DTWD2: variants seen among roughly 807,000 people sequenced by gnomAD.
The protein encoded by DTWD2 is DTW motif tRNA-uridine aminocarboxypropyltransferase 2.
In DTWD2, 39 loss-of-function variants were observed where a neutral mutation model predicts 31.8. The observed-to-expected ratio is 1.22, with a 90% confidence interval of 0.95 to 1.60. DTWD2 has a LOEUF of 1.60. Among genes scored for constraint, DTWD2 ranks in the 40% most tolerant of loss-of-function variants. The pLI is 0.00. For synonymous variants in DTWD2, 180 were observed against 142.8 expected, an observed-to-expected ratio of 1.26 and a Z score of -1.86; for missense variants, 515 against 381.5, an observed-to-expected ratio of 1.35 and a Z score of -2.92.
At chr5:118,905,870 C>T (rs1246993301) in intron 4 of DTWD2, among the ~76,000 whole-genome samples, 1 of 152,092 alleles carries the variant, frequency 6.6e-6, no homozygotes, top group Non-Finnish European at 1.5e-5. Context: ...AATTGATTAA[C>T]TGAATTTCAT....
chr5:118,897,845 G>A (rs776669715), intron 4 of DTWD2, among the ~76,000 whole-genome samples: 1 of 152,136 alleles, frequency 6.6e-6, no homozygotes, highest in Non-Finnish European at 1.5e-5. Flanking sequence ...ATGACCTCCA[G>A]AGTAAAATTA....
intron 4 of DTWD2, among the ~76,000 whole-genome samples, chr5:118,892,441 A>G (rs1752995055): frequency 6.6e-6 from 1 of 152,184 alleles, no homozygotes; most frequent in South Asian, 2.1e-4. Flanking sequence ...TAAACTCACT[A>G]AAACCATAAT....
chr5:118,915,888 A>G (rs1463178018), intron 4 of DTWD2, among the ~76,000 whole-genome samples: 1 of 152,230 alleles, frequency 6.6e-6, no homozygotes, highest in Non-Finnish European at 1.5e-5. Context: ...GGATAATTCT[A>G]AAAGTAAGAG....
chr5:118,869,256 A>G (rs1037982703), intron 4 of DTWD2, among the ~76,000 whole-genome samples: 8 of 152,150 alleles, frequency 5.3e-5, no homozygotes, highest in Admixed American at 1.3e-4. Flanking sequence ...ATTAAAAGAG[A>G]TATCAGTTGA....
rs183414210 is a variant in DTWD2 at position 118,966,892 on chromosome 5, C to T, written c.218+21402G>A. 8.2e-4 allele frequency among the ~76,000 whole-genome samples: 125 copies of T among 151,890 alleles called. 2 individuals are homozygous for T. Among genetic ancestry groups the T allele is most frequent in the African/African-American group, 2.8e-3 (117 of 41,440 alleles). Reference sequence around the variant, plus strand: ...TAAAAATACAAAAATTAGCCAGGCACGGTGGCAGGTGCCTGTAAGTCCCAG... The same window carrying T: ...TAAAAATACAAAAATTAGCCAGGCATGGTGGCAGGTGCCTGTAAGTCCCAG... On this transcript the variant is annotated intron_variant, in intron 1 of 5. Transcript: ENST00000510708.
chr5:118,867,454 C>G (rs1019005599), intron 4 of DTWD2, among the ~76,000 whole-genome samples: 9 of 152,098 alleles, frequency 5.9e-5, no homozygotes, highest in African/African-American at 1.9e-4. Context: ...TTTAGCAAGA[C>G]AATTTTTCAA....
intron 4 of DTWD2, among the ~76,000 whole-genome samples, chr5:118,848,590 A>G (rs911976332): frequency 6.6e-6 from 1 of 152,174 alleles, no homozygotes; most frequent in African/African-American, 2.4e-5. Context: ...TCAACAGAGT[A>G]GCTAAAATAA....
intron 5 of DTWD2, among the ~76,000 whole-genome samples, chr5:118,846,089 C>T (rs1751846289): frequency 6.6e-6 from 1 of 152,124 alleles, no homozygotes; most frequent in African/African-American, 2.4e-5. Flanking sequence ...AAAGAATTCA[C>T]TCTAATACTT....
intron 4 of DTWD2, among the ~76,000 whole-genome samples, chr5:118,848,784 C>T (rs1040118828): frequency 2.6e-5 from 4 of 152,118 alleles, no homozygotes; most frequent in Admixed American, 1.3e-4. Flanking sequence ...GAAAGGATTC[C>T]CTATTTAATA....
chr5:118,899,420 C>T (rs902470894), intron 4 of DTWD2, among the ~76,000 whole-genome samples: 1 of 152,192 alleles, frequency 6.6e-6, no homozygotes, highest in East Asian at 1.9e-4. Context: ...GAACCTAATC[C>T]TGTATTTTCC....
chr5:118,841,372 C>A (rs1751710336), intron 5 of DTWD2, among the ~76,000 whole-genome samples: 1 of 152,116 alleles, frequency 6.6e-6, no homozygotes, highest in Admixed American at 6.5e-5. Context: ...ATTATTCAAA[C>A]ACCACAAAAA....
intron 4 of DTWD2, among the ~76,000 whole-genome samples, chr5:118,927,386 G>C (rs1753831400): frequency 6.6e-6 from 1 of 151,948 alleles, no homozygotes; most frequent in South Asian, 2.1e-4. Context: ...CGAGAAAAAA[G>C]TTCAACGTAA....
At chr5:118,859,571 C>T (rs1752214114) in intron 4 of DTWD2, among the ~76,000 whole-genome samples, 1 of 152,114 alleles carries the variant, frequency 6.6e-6, no homozygotes, top group Non-Finnish European at 1.5e-5. Flanking sequence ...GTTTTGATGT[C>T]TTCTTTGCCC....
chr5:118,969,197 C>CG (rs923466243), intron 1 of DTWD2, among the ~76,000 whole-genome samples: 1 of 143,730 alleles, frequency 7.0e-6, no homozygotes, highest in Non-Finnish European at 1.5e-5. Context: ...AGGGGAGGGG[C>CG]GGGGGGGAAG....
At chr5:118,926,351 G>A (rs1200555407) in intron 4 of DTWD2, among the ~76,000 whole-genome samples, 1 of 152,124 alleles carries the variant, frequency 6.6e-6, no homozygotes, top group Non-Finnish European at 1.5e-5. Context: ...GCTAAGCTAT[G>A]AGGATGCAAA....
At chr5:118,919,291 G>C (rs886453209) in intron 4 of DTWD2, among the ~76,000 whole-genome samples, 1 of 152,202 alleles carries the variant, frequency 6.6e-6, no homozygotes, top group Non-Finnish European at 1.5e-5. Flanking sequence ...CAGCACATGT[G>C]CTCCTCCTTT....
In DTWD2 at chr5:118,839,819, A is replaced by T. The variant is rs765095179; in HGVS notation, c.*1098T>A. On this transcript the variant is annotated 3_prime_UTR_variant, in exon 6 of 6. Transcript: ENST00000510708. Reference sequence around the variant, plus strand: ...GTCTAATCCAAGTAAATAATAAACAAATGATCATGAAAACTGTGAGAAATA... The same window carrying T: ...GTCTAATCCAAGTAAATAATAAACATATGATCATGAAAACTGTGAGAAATA... 9.9e-5 allele frequency: 15 copies of T among 152,222 alleles called. No individual in the cohort carries two copies. The highest frequency in any genetic ancestry group is 2.2e-4 in the Non-Finnish European group (15 of 68,028). The allele number at this position is 152,222 out of a possible 1,614,324, so 9.4% of individuals were successfully genotyped here. A position where few individuals can be genotyped will look rare whatever the true frequency, so the allele number is the denominator to read the frequency against.
rs1264319934 is a variant in DTWD2, at chr5:118,875,489, A to C, written c.598-27271T>G. Among the ~76,000 whole-genome samples, 133 of 151,998 alleles carry C rather than the reference A, an allele frequency of 8.8e-4. 1 individual carries two copies. Among genetic ancestry groups the C allele is most frequent in the Non-Finnish European group, 5.9e-5 (4 of 67,992 alleles). ...CATGCAGTGATATACATGGGCTCAA[A>C]ATAAAGGGAGGGAGAAAAATCTACC... On this transcript the variant is annotated intron_variant, in intron 4 of 5. Transcript: ENST00000510708.
At chr5:118,876,690 T>C (rs1191217789) in intron 4 of DTWD2, among the ~76,000 whole-genome samples, 1 of 151,980 alleles carries the variant, frequency 6.6e-6, no homozygotes, top group Admixed American at 6.6e-5. Context: ...CAGGAAGAAG[T>C]CCTTAAACAG....
Sources: allele counts gnomAD v4.1 joint callset (sites outside exome capture counted in the v4.1 genomes callset), GRCh38; gene constraint gnomAD v4.1.1; transcripts MANE v1.5; gene names NCBI Gene and HGNC (gene_info 2026-07-23, HGNC 2026-07-21).